The following TCERG1L variants were observed in gnomAD, a reference collection of about 807,000 sequenced individuals.
TCERG1L encodes the protein transcription elongation regulator 1 like.
Under a neutral mutation model 56.3 loss-of-function variants are expected in TCERG1L, and 37 were observed. That is an observed-to-expected ratio of 0.66 (90% CI 0.51 to 0.87). The LOEUF (loss-of-function observed/expected upper bound fraction) is 0.87. Ranked by LOEUF, TCERG1L falls within the 40% of genes least tolerant of loss-of-function variation. The pLI is 0.00. For synonymous variants in TCERG1L, 324 were observed against 326.3 expected, an observed-to-expected ratio of 0.99 and a Z score of 0.08; for missense variants, 799 against 774.2, an observed-to-expected ratio of 1.03 and a Z score of -0.38.
intron 3 of TCERG1L, among the ~76,000 whole-genome samples, chr10:131,276,297 G>A (rs1363681852): frequency 2.6e-5 from 4 of 152,316 alleles, no homozygotes; most frequent in Non-Finnish European, 2.9e-5. Context: ...TTTACATCAC[G>A]AAAGCTACAG....
chr10:131,146,525 G>A lies in TCERG1L; in HGVS notation c.1170C>T (p.Arg390=), dbSNP rs901668938. 1 of 1,611,182 alleles carries A rather than the reference G, an allele frequency of 6.2e-7. No homozygotes were observed. Residue 390 remains arginine, a synonymous_variant, in exon 7 of 12, where the codon CGC becomes CGT. Coordinates refer to ENST00000368642, the MANE Select transcript of TCERG1L (RefSeq NM_174937.4). ...AGTTACTTGCTGGTGCCTCCAGCTT[G>A]CGTTTGTGGGGCGGGTCCTCAATGA... ...NRIIEDPPHK[R]KLEAPATDNS...
At chr10:131,242,499 G>A (rs1285290641) in intron 4 of TCERG1L, among the ~76,000 whole-genome samples, 2 of 152,142 alleles carry the variant, frequency 1.3e-5, no homozygotes, top group Non-Finnish European at 2.9e-5. Flanking sequence ...GTTTCACTCT[G>A]ATACTAAATC....
chr10:131,172,888 AT>A (rs3065371), intron 4 of TCERG1L, among the ~76,000 whole-genome samples: 16,118 of 135,302 alleles, frequency 0.12, 1,531 homozygotes, highest in African/African-American at 0.29. Flanking sequence ...ATAATCAATG[AT>A]TTTTTTTTTT....
intron 4 of TCERG1L, among the ~76,000 whole-genome samples, chr10:131,256,175 AT>A (rs1846162928): frequency 6.6e-6 from 1 of 152,224 alleles, no homozygotes; most frequent in African/African-American, 2.4e-5. Context: ...TTCCTGGATG[AT>A]TTAAAAAAAG....
At chr10:131,270,241 C>T (rs776836366) in intron 3 of TCERG1L, among the ~76,000 whole-genome samples, 2 of 152,140 alleles carry the variant, frequency 1.3e-5, no homozygotes, top group African/African-American at 2.4e-5. Context: ...AGGATACAAG[C>T]CAGGAAGGGC....
intron 4 of TCERG1L, among the ~76,000 whole-genome samples, chr10:131,172,986 G>A (rs1035498557): frequency 6.6e-6 from 1 of 151,462 alleles, no homozygotes; most frequent in African/African-American, 2.4e-5. Context: ...TGCCTCCTGG[G>A]TTCAATTGAT....
Position 131,311,265 on chromosome 10 carries a change from C to A in TCERG1L, c.342+29G>T. The A allele has an allele frequency of 8.7e-7, 1 of 1,151,704 alleles. No individual in the cohort carries two copies. The highest frequency in any genetic ancestry group is 1.1e-6 in the Non-Finnish European group (1 of 937,536). 71.3% of individuals were successfully genotyped at this position (1,151,704 alleles called of 1,614,324 possible). A position where few individuals can be genotyped will look rare whatever the true frequency, so the allele number is the denominator to read the frequency against. ...CCCAGGAGCAGGGGAGACGGCGACC[C>A]GGGCCGAGGCGGGACGGGGACACGT... On this transcript the variant is annotated intron_variant, in intron 1 of 11. Transcript: ENST00000368642. This position sits in a 1 kb window ranked among gnomAD's most constrained non-coding sequence, Gnocchi z 4.0.
At chr10:131,101,684 A>T (rs1845305500) in intron 10 of TCERG1L, among the ~76,000 whole-genome samples, 1 of 151,708 alleles carries the variant, frequency 6.6e-6, no homozygotes, top group Non-Finnish European at 1.5e-5. Flanking sequence ...GCTCCTTGTT[A>T]TGCTTCTCCA....
At chr10:131,113,281 C>T (rs1461995243) in intron 9 of TCERG1L, among the ~76,000 whole-genome samples, 1 of 142,500 alleles carries the variant, frequency 7.0e-6, no homozygotes, top group Non-Finnish European at 1.6e-5. Flanking sequence ...AGTGCCAACT[C>T]CCCAAAGGCA....
chr10:131,117,038 A>G, intron 8 of TCERG1L, 104 bp from the exon 9 acceptor site: 6 of 1,400,824 alleles, frequency 4.3e-6, no homozygotes, highest in Admixed American at 4.8e-5. Flanking sequence ...TCAGAAGCAC[A>G]GTCTCCTTGA....
chr10:131,135,683 G>T (rs1484044493), intron 7 of TCERG1L, among the ~76,000 whole-genome samples: 1 of 152,210 alleles, frequency 6.6e-6, no homozygotes, highest in Non-Finnish European at 1.5e-5. Flanking sequence ...GCAGCTCATG[G>T]TCACCCCTGC....
intron 3 of TCERG1L, among the ~76,000 whole-genome samples, chr10:131,279,885 C>G (rs567169904): frequency 6.6e-6 from 1 of 152,210 alleles, no homozygotes; most frequent in East Asian, 1.9e-4. Flanking sequence ...GCTACTCTCT[C>G]GGGGGCACAC....
chr10:131,140,721 G>A (rs922366063), intron 7 of TCERG1L, among the ~76,000 whole-genome samples: 5 of 152,200 alleles, frequency 3.3e-5, no homozygotes, highest in African/African-American at 7.2e-5. Flanking sequence ...GCAGCGGTGC[G>A]AGGGATGCCC....
At chr10:131,132,885 C>T (rs1028212897) in intron 8 of TCERG1L, among the ~76,000 whole-genome samples, 16 of 152,228 alleles carry the variant, frequency 1.1e-4, no homozygotes, top group Admixed American at 8.5e-4. Context: ...TGCCCTGCCA[C>T]GTGCGGCCCT....
chr10:131,308,874 C>T (rs1441607661), intron 2 of TCERG1L, among the ~76,000 whole-genome samples: 1 of 151,920 alleles, frequency 6.6e-6, no homozygotes, highest in Non-Finnish European at 1.5e-5. Flanking sequence ...TCAATGGATA[C>T]AAATTTAAAA....
chr10:131,184,144 C>T (rs961927080), intron 4 of TCERG1L, among the ~76,000 whole-genome samples: 4 of 152,212 alleles, frequency 2.6e-5, no homozygotes, highest in Non-Finnish European at 4.4e-5. Context: ...CCTTGCCTTG[C>T]GAAGCCCACA....
At chr10:131,217,684 A>G (rs1232257526) in intron 4 of TCERG1L, among the ~76,000 whole-genome samples, 1 of 147,094 alleles carries the variant, frequency 6.8e-6, no homozygotes, top group African/African-American at 2.5e-5. Flanking sequence ...TCTTGCTTCA[A>G]TCTGACCCTA....
At chr10:131,211,389 T>G (rs1422588531) in intron 4 of TCERG1L, among the ~76,000 whole-genome samples, 2 of 152,240 alleles carry the variant, frequency 1.3e-5, no homozygotes, top group Non-Finnish European at 2.9e-5. Context: ...CTGCCAGATT[T>G]TTCCATGGTG....
chr10:131,192,378 T>C (rs1245080494), intron 4 of TCERG1L, among the ~76,000 whole-genome samples: 2 of 143,578 alleles, frequency 1.4e-5, no homozygotes, highest in African/African-American at 2.6e-5. Context: ...AAACGATAGA[T>C]ATGAGGAAAA....
Sources: allele counts gnomAD v4.1 joint callset (sites outside exome capture counted in the v4.1 genomes callset), GRCh38; gene constraint gnomAD v4.1.1; non-coding constraint Gnocchi (gnomAD v3.1); transcripts MANE v1.5; gene names NCBI Gene and HGNC (gene_info 2026-07-23, HGNC 2026-07-21).